The following CCAR1 variants were observed in gnomAD, a reference collection of about 807,000 sequenced individuals.
The protein encoded by CCAR1 is cell division cycle and apoptosis regulator 1.
In CCAR1, 78 loss-of-function variants were observed where a neutral mutation model predicts 163.8. The ratio of observed to expected loss-of-function variants is 0.48; its 90% confidence interval spans 0.40 to 0.57. The LOEUF (loss-of-function observed/expected upper bound fraction) is 0.57, where lower values mean the gene tolerates loss of function less well. Among genes scored for constraint, CCAR1 ranks in the 20% least tolerant of loss-of-function variants. CCAR1 has a pLI of 0.00. For missense variants in CCAR1, 1,019 were observed against 1,365.2 expected, an observed-to-expected ratio of 0.75 and a Z score of 4.00; for synonymous variants, 443 against 460.7, an observed-to-expected ratio of 0.96 and a Z score of 0.49.
intron 2 of CCAR1, among the ~76,000 whole-genome samples, chr10:68,724,164 A>G (rs2055905834): frequency 6.6e-6 from 1 of 151,514 alleles, no homozygotes; most frequent in Non-Finnish European, 1.5e-5. Flanking sequence ...GTCTCAGAAA[A>G]AAAAAAAATG....
intron 8 of CCAR1, 105 bp from the exon 9 acceptor site, chr10:68,749,031 T>G: frequency 1.5e-6 from 2 of 1,369,758 alleles, no homozygotes; most frequent in Non-Finnish European, 2.0e-6. Flanking sequence ...AAAAAACAAT[T>G]TTAGTCACTC....
In CCAR1 at chr10:68,780,629, T is replaced by TA. The variant is rs1405363828; in HGVS notation, c.2651-5506dup. 1.2e-4 allele frequency among the ~76,000 whole-genome samples: 18 copies of TA among 152,234 alleles called. No individual in the cohort carries two copies. In the East Asian group the frequency reaches 3.3e-3, roughly 28 times the overall value. On this transcript the variant is annotated intron_variant, in intron 19 of 24. Coordinates refer to ENST00000265872, the MANE Select transcript of CCAR1 (RefSeq NM_018237.4). ...TTATTGTGCGCCAAAGATAGTGCCT[T>TA]ACGCCAAGCAAGCCTATCAGCACCA...
intron 16 of CCAR1, among the ~76,000 whole-genome samples, chr10:68,764,489 C>T (rs886260780): frequency 1.3e-5 from 2 of 151,722 alleles, no homozygotes; most frequent in Non-Finnish European, 2.9e-5. Flanking sequence ...GAGCTATGAT[C>T]ACACCACTAC....
intron 2 of CCAR1, among the ~76,000 whole-genome samples, chr10:68,725,523 T>G (rs1304537917): frequency 2.6e-5 from 4 of 152,296 alleles, no homozygotes; most frequent in Admixed American, 1.3e-4. Context: ...ATTTTTTGAC[T>G]TATTTGTTGA....
chr10:68,739,933 C>G (rs1589159416), intron 4 of CCAR1, among the ~76,000 whole-genome samples: 1 of 152,140 alleles, frequency 6.6e-6, no homozygotes, highest in East Asian at 1.9e-4. Context: ...TAAAATTTCT[C>G]CTTTCATACT....
At chr10:68,771,585 C>A in intron 18 of CCAR1, 140 bp downstream of exon 18, 1 of 812,728 alleles carries the variant, frequency 1.2e-6, no homozygotes, top group Non-Finnish European at 2.0e-6. Context: ...TCTTTGAGAC[C>A]ATCACAGCTA....
At chr10:68,721,429 A>G (rs1335491824) in intron 1 of CCAR1, 147 bp downstream of exon 1, 2 of 303,352 alleles carry the variant, frequency 6.6e-6, no homozygotes, top group Non-Finnish European at 1.3e-5. Flanking sequence ...TGGGACTGGG[A>G]CGGGAGGGAC....
chr10:68,786,274 C>CTT, intron 20 of CCAR1, 56 bp downstream of exon 20: 1 of 1,214,268 alleles, frequency 8.2e-7, no homozygotes. Flanking sequence ...ATCATCTAAA[C>CTT]ATAACACAGT....
chr10:68,740,496 C>G, intron 4 of CCAR1, 133 bp from the exon 5 acceptor site: 2 of 726,308 alleles, frequency 2.8e-6, no homozygotes, highest in East Asian at 5.7e-5. Flanking sequence ...CATAGTGAGA[C>G]CTCGTTTCTG....
chr10:68,765,745 A>T (rs1341482636), intron 16 of CCAR1, 143 bp from the exon 17 acceptor site: 1 of 562,202 alleles, frequency 1.8e-6, no homozygotes. Flanking sequence ...CTCAACGCTT[A>T]TGGTTTGTAT....
At chr10:68,771,085 A>G in intron 17 of CCAR1, 121 bp from the exon 18 acceptor site, 1 of 837,706 alleles carries the variant, frequency 1.2e-6, no homozygotes, top group South Asian at 1.9e-5. Flanking sequence ...CTCAAAAAAA[A>G]AAAAGTTTGA....
intron 5 of CCAR1, 76 bp from the exon 6 acceptor site, chr10:68,742,296 GGTTA>G: frequency 9.7e-7 from 1 of 1,032,326 alleles, no homozygotes; most frequent in Non-Finnish European, 1.4e-6. Flanking sequence ...TAACATTCTG[GGTTA>G]GTTTTAAGTA....
chr10:68,791,596 C>A lies in CCAR1; in HGVS notation c.*330C>A, dbSNP rs4746788. The A allele has an allele frequency of 6.1e-6, 1 of 162,892 alleles. No individual in the cohort carries two copies. The highest frequency in any genetic ancestry group is 2.4e-5 in the African/African-American group (1 of 41,786). The allele number at this position is 162,892 out of a possible 1,614,324, so 10.1% of individuals were successfully genotyped here. A position where few individuals can be genotyped will look rare whatever the true frequency, so the allele number is the denominator to read the frequency against. On this transcript the variant is annotated 3_prime_UTR_variant, in exon 25 of 25. Coordinates refer to ENST00000265872, the MANE Select transcript of CCAR1 (RefSeq NM_018237.4). ...TACCAAATTTCTTTTATTAAAATGC[C>A]TAGAAATTTTTAATTTATAGAATTA... is the stretch of plus-strand genomic sequence containing the variant.
Position 68,753,883 on chromosome 10 carries a change from C to T in CCAR1, c.1150C>T (p.Arg384Cys), listed in dbSNP as rs2133361488. 4 of 1,613,826 alleles carry T rather than the reference C, an allele frequency of 2.5e-6. No individual in the cohort carries two copies. The highest frequency in any genetic ancestry group is 3.4e-6 in the Non-Finnish European group (4 of 1,179,842). Residue 384 changes from arginine to cysteine, a missense_variant, in exon 11 of 25, where the codon CGT becomes TGT. Coordinates refer to ENST00000265872, the MANE Select transcript of CCAR1 (RefSeq NM_018237.4). ...TTGTGACATGATGGAACTAAGGCGC[C>T]GTTATCAAAATTTGTATATACCTAG... ...PSCDMMELRR[R>C]YQNLYIPSDF...
At chr10:68,766,101 A>T in intron 17 of CCAR1, 22 bp downstream of exon 17, 1 of 1,474,114 alleles carries the variant, frequency 6.8e-7, no homozygotes, top group Non-Finnish European at 9.5e-7. Context: ...AGTTTGAAAT[A>T]AGATCCATAT....
intron 24 of CCAR1, among the ~76,000 whole-genome samples, chr10:68,790,629 C>T (rs988330336): frequency 8.6e-5 from 13 of 151,966 alleles, no homozygotes; most frequent in African/African-American, 2.2e-4. Flanking sequence ...CCTAGGCTCA[C>T]GTGATCCTCC....
At chr10:68,764,789 T>C (rs1326342064) in intron 16 of CCAR1, among the ~76,000 whole-genome samples, 3 of 152,160 alleles carry the variant, frequency 2.0e-5, no homozygotes, top group African/African-American at 7.2e-5. Context: ...CTGTGTCTCT[T>C]GTAACATTTT....
chr10:68,749,174 C>T lies in CCAR1; in HGVS notation c.865C>T (p.Pro289Ser), dbSNP rs200058441. Residue 289 changes from proline to serine, a missense_variant, in exon 9 of 25, where the codon CCA (proline) becomes TCA (serine). Around this residue, in one of 4 missense-constraint regions of CCAR1, gnomAD observed 644 missense variants for 904.4 expected, o/e 0.71. Transcript: ENST00000265872. Reference sequence around the variant, plus strand: ...GCCTCCTGTTCGTATAGTTTCACAGCCACAACCGGCACGACGATTAGATCC... The same window carrying T: ...GCCTCCTGTTCGTATAGTTTCACAGTCACAACCGGCACGACGATTAGATCC... ...LQPPVRIVSQ[P>S]QPARRLDPPS... 3.7e-5 allele frequency: 59 copies of T among 1,613,760 alleles called. No individual in the cohort carries two copies. Among genetic ancestry groups the T allele is most frequent in the Non-Finnish European group, 3.1e-5 (37 of 1,179,944 alleles).
At chr10:68,761,524 C>T (rs2056469795) in intron 16 of CCAR1, among the ~76,000 whole-genome samples, 1 of 151,666 alleles carries the variant, frequency 6.6e-6, no homozygotes. Flanking sequence ...GCAGGCTAGT[C>T]TCGAACTCCT....
Sources: allele counts gnomAD v4.1 joint callset (sites outside exome capture counted in the v4.1 genomes callset), GRCh38; gene constraint gnomAD v4.1.1; regional missense constraint gnomAD v4.1.1; transcripts MANE v1.5; gene names NCBI Gene and HGNC (gene_info 2026-07-23, HGNC 2026-07-21).